Variants in DAPK1 observed in about 807,000 individuals in gnomAD.
DAPK1 encodes death-associated protein kinase 1.
A neutral mutation model predicts 144.9 loss-of-function variants in DAPK1; 56 were observed. The observed-to-expected ratio is 0.39, with a 90% CI of 0.31 to 0.48. The LOEUF is 0.48. Ranked by LOEUF, DAPK1 falls within the 20% of genes least tolerant of loss-of-function variation. The pLI is 0.95. For missense variants in DAPK1, 1,454 were observed against 1,875.4 expected (o/e 0.78, Z 4.15); for synonymous variants, 690 against 749.0 (o/e 0.92, Z 1.29).
chr9:87,605,467 T>G (rs1387173242), intron 3 of DAPK1, among the ~76,000 whole-genome samples: 2 of 152,172 alleles, frequency 1.3e-5, no homozygotes, highest in Admixed American at 1.3e-4. Flanking sequence ...TGAGCACATC[T>G]GTTTTCTGAG....
intron 18 of DAPK1, among the ~76,000 whole-genome samples, chr9:87,659,693 C>T (rs1308899219): frequency 6.6e-6 from 1 of 152,142 alleles, no homozygotes; most frequent in Non-Finnish European, 1.5e-5. Context: ...CGTGCACCTC[C>T]TTGCTCTCCC....
chr9:87,685,334 T>G (rs920958573), intron 20 of DAPK1, among the ~76,000 whole-genome samples: 9 of 152,174 alleles, frequency 5.9e-5, no homozygotes, highest in Non-Finnish European at 1.2e-4. Context: ...GTCCAAAGTC[T>G]TAACTCTTTG....
At chr9:87,543,591 T>G (rs1031015245) in intron 2 of DAPK1, among the ~76,000 whole-genome samples, 2 of 152,222 alleles carry the variant, frequency 1.3e-5, no homozygotes, top group African/African-American at 4.8e-5. Flanking sequence ...TATCTGAGGT[T>G]TTTCTAAATA....
At chr9:87,588,938 G>A (rs1465328545) in intron 2 of DAPK1, among the ~76,000 whole-genome samples, 1 of 152,042 alleles carries the variant, frequency 6.6e-6, no homozygotes, top group East Asian at 1.9e-4. Context: ...GCCCAGGCTG[G>A]AGTGCGGTGG....
At chr9:87,510,605 C>T (rs1824798155) in intron 2 of DAPK1, among the ~76,000 whole-genome samples, 1 of 152,168 alleles carries the variant, frequency 6.6e-6, no homozygotes, top group African/African-American at 2.4e-5. Context: ...ATTGGCTTCC[C>T]CTGTGGACTG....
At chr9:87,562,790 A>G (rs1826978698) in intron 2 of DAPK1, among the ~76,000 whole-genome samples, 1 of 152,262 alleles carries the variant, frequency 6.6e-6, no homozygotes, top group African/African-American at 2.4e-5. Context: ...ATAGCATGTC[A>G]GGTGCCCAAA....
chr9:87,615,377 A>C (rs1193628333), intron 3 of DAPK1, among the ~76,000 whole-genome samples: 2 of 152,230 alleles, frequency 1.3e-5, no homozygotes, highest in Non-Finnish European at 2.9e-5. Flanking sequence ...TGTCAGTTTC[A>C]TTTCCAGCCT....
rs36203436 is a variant in DAPK1, at chr9:87,569,977, T to C, written c.63-34977T>C. 3.9e-3 allele frequency among the ~76,000 whole-genome samples: 587 copies of C among 152,376 alleles called. 3 individuals are homozygous for C. Among genetic ancestry groups the C allele is most frequent in the Middle Eastern group, 0.027 (8 of 294 alleles). On this transcript the variant is annotated intron_variant, in intron 2 of 25. Transcript: ENST00000408954. The stretch of plus-strand genomic sequence containing the variant: ...TGTCATGATTTTATTTCTGGTCTTA[T>C]TATATTTGTGTTTCTGAGTCTTAAT...
chr9:87,669,671 C>T lies in DAPK1; in HGVS notation c.2001+997C>T, dbSNP rs563169235. ...TCCCACAAAGTTCTTGCCATATAGACCGAGAAGTGCCTGGGGAGAAGTGCT... is the reference window on the plus strand; with the variant it reads ...TCCCACAAAGTTCTTGCCATATAGATCGAGAAGTGCCTGGGGAGAAGTGCT... On this transcript the variant is annotated intron_variant, in intron 19 of 25. Coordinates refer to ENST00000408954, the MANE Select transcript of DAPK1 (RefSeq NM_004938.4). 1.8e-3 allele frequency among the ~76,000 whole-genome samples: 270 copies of T among 152,092 alleles called. 3 individuals carry two copies. Among genetic ancestry groups the T allele is most frequent in the Non-Finnish European group, 2.0e-3 (138 of 68,008 alleles).
upstream of DAPK1, chr9:87,497,354 C>G (rs1315441233): frequency 6.6e-6 from 1 of 152,240 alleles, no homozygotes; most frequent in African/African-American, 2.4e-5. Flanking sequence ...TCGTGGTAAA[C>G]GTAGGACTGA....
intron 3 of DAPK1, chr9:87,633,299 T>C (rs1829778074): frequency 1.0e-6 from 1 of 984,628 alleles, no homozygotes; most frequent in Non-Finnish European, 1.2e-6. Flanking sequence ...TATGTAGGGA[T>C]GAAAGGGGAT....
chr9:87,617,329 G>A (rs921402575), intron 3 of DAPK1, among the ~76,000 whole-genome samples: 1 of 152,136 alleles, frequency 6.6e-6, no homozygotes, highest in African/African-American at 2.4e-5. Context: ...TGGCTCTTTG[G>A]CAGGTGATAG....
intron 2 of DAPK1, among the ~76,000 whole-genome samples, chr9:87,571,435 CAACA>C (rs1564000611): frequency 1.9e-5 from 1 of 52,794 alleles, no homozygotes; most frequent in Admixed American, 2.1e-4. Flanking sequence ...CCCCACCCCC[CAACA>C]CACACACACA....
At chr9:87,558,205 G>A (rs1826787158) in intron 2 of DAPK1, among the ~76,000 whole-genome samples, 1 of 152,074 alleles carries the variant, frequency 6.6e-6, no homozygotes, top group South Asian at 2.1e-4. Context: ...TGGTGGTCAT[G>A]GACTCTCTTA....
intron 2 of DAPK1, among the ~76,000 whole-genome samples, chr9:87,587,479 C>T (rs1238829935): frequency 1.3e-5 from 2 of 152,126 alleles, no homozygotes; most frequent in South Asian, 2.1e-4. Flanking sequence ...CAAACAGCTT[C>T]AGTTAGAGTC....
In DAPK1 at chr9:87,707,926, A is replaced by G. The variant is rs984023018; in HGVS notation, c.*562A>G. 1 of 455,100 alleles carries G rather than the reference A, an allele frequency of 2.2e-6. No individual in the cohort carries two copies. The highest frequency in any genetic ancestry group is 4.4e-6 in the Non-Finnish European group (1 of 226,446). 28.2% of individuals were successfully genotyped at this position (455,100 alleles called of 1,614,324 possible). A position where few individuals can be genotyped will look rare whatever the true frequency, so the allele number is the denominator to read the frequency against. On this transcript the variant is annotated 3_prime_UTR_variant, in exon 26 of 26. Transcript: ENST00000408954. This position sits in a 1 kb window ranked among gnomAD's most constrained non-coding sequence, Gnocchi z 4.0. ...TGCAGAAGAGGGTGTGTTTGAAATC[A>G]TCGGAGTCAGCCAGGAGCTGTCACC...
intron 24 of DAPK1, among the ~76,000 whole-genome samples, chr9:87,700,481 T>C (rs555001366): frequency 6.6e-6 from 1 of 152,204 alleles, no homozygotes; most frequent in East Asian, 1.9e-4. Flanking sequence ...TATTGGTTTC[T>C]TTAACAATAT....
intron 2 of DAPK1, among the ~76,000 whole-genome samples, chr9:87,526,647 A>G (rs1313346617): frequency 6.6e-6 from 1 of 152,146 alleles, no homozygotes; most frequent in African/African-American, 2.4e-5. Flanking sequence ...CTAACCAGGT[A>G]TATTTGGTAT....
intron 2 of DAPK1, among the ~76,000 whole-genome samples, chr9:87,563,044 G>A (rs12005331): frequency 6.6e-6 from 1 of 152,182 alleles, no homozygotes; most frequent in Non-Finnish European, 1.5e-5. Context: ...CTAGAGATTT[G>A]GTACTGGTGA....
Sources: allele counts gnomAD v4.1 joint callset (sites outside exome capture counted in the v4.1 genomes callset), GRCh38; gene constraint gnomAD v4.1.1; non-coding constraint Gnocchi (gnomAD v3.1); transcripts MANE v1.5; gene names NCBI Gene and HGNC (gene_info 2026-07-23, HGNC 2026-07-21).